The following CDH10 variants were observed in gnomAD, a reference collection of about 807,000 sequenced individuals.
CDH10 encodes the protein cadherin 10.
In CDH10, 30 loss-of-function variants were observed where a neutral mutation model predicts 73.1. That is an observed-to-expected ratio of 0.41 (90% CI 0.31 to 0.56). The LOEUF is 0.56. Among genes scored for constraint, CDH10 ranks in the 20% least tolerant of loss-of-function variants. The probability of loss-of-function intolerance (pLI) is 0.27; values close to 1 mark genes in which losing one functional copy is unlikely to be tolerated. For synonymous variants in CDH10, 345 were observed against 348.2 expected, an observed-to-expected ratio of 0.99 and a Z score of 0.10; for missense variants, 815 against 973.7, an observed-to-expected ratio of 0.84 and a Z score of 2.17.
At chr5:24,612,317 A>T (rs1303895613) in intron 1 of CDH10, 1 of 152,232 alleles carries the variant, frequency 6.6e-6, no homozygotes, top group African/African-American at 2.4e-5. Context: ...CTGAACTACA[A>T]TAAATGCCAT....
rs1196714508 is a variant in CDH10, at chr5:24,537,789, ACTT to A, written c.232-118_232-116del. On this transcript the variant is annotated intron_variant, in intron 2 of 11. Transcript: ENST00000264463. ...ACTGAGCAACGGGGTCGGCTATCCT[ACTT>A]CTTGAAATGAGAGCTGAATAAGTTT... The A allele has an allele frequency of 4.8e-6, 3 of 624,266 alleles. No individual in the cohort carries two copies. The East Asian group carries it at 8.2e-5, about 17-fold the overall frequency. 38.7% of individuals were successfully genotyped at this position (624,266 alleles called of 1,614,324 possible).
chr5:24,608,060 T>C (rs11739680), intron 1 of CDH10, among the ~76,000 whole-genome samples: 11,184 of 152,132 alleles, frequency 0.074, 518 homozygotes, highest in South Asian at 0.15. Flanking sequence ...GGAAAAACAC[T>C]AGTGTATGTA....
intron 5 of CDH10, among the ~76,000 whole-genome samples, chr5:24,525,736 C>G (rs1430101033): frequency 6.6e-6 from 1 of 151,980 alleles, no homozygotes; most frequent in African/African-American, 2.4e-5. Context: ...ACTGGAGATA[C>G]GATCATCAAC....
intron 2 of CDH10, among the ~76,000 whole-genome samples, chr5:24,538,634 G>C (rs1192824597): frequency 1.3e-5 from 2 of 152,024 alleles, no homozygotes; most frequent in Admixed American, 6.6e-5. Context: ...AGGCTTAGGA[G>C]TACATATACT....
intron 1 of CDH10, among the ~76,000 whole-genome samples, chr5:24,639,185 C>T (rs1346848438): frequency 6.6e-6 from 1 of 151,452 alleles, no homozygotes; most frequent in Non-Finnish European, 1.5e-5. Context: ...ATTATGGTGC[C>T]TCATTTAAAT....
intron 2 of CDH10, among the ~76,000 whole-genome samples, chr5:24,570,828 T>C (rs572233876): frequency 8.9e-4 from 135 of 152,122 alleles, no homozygotes; most frequent in Non-Finnish European, 1.5e-3. Flanking sequence ...CTCATAGAAA[T>C]AAGCTCGTTT....
At chr5:24,573,038 T>C (rs1745452391) in intron 2 of CDH10, among the ~76,000 whole-genome samples, 1 of 128,432 alleles carries the variant, frequency 7.8e-6, no homozygotes, top group Non-Finnish European at 1.7e-5. Flanking sequence ...ATAAAACAAA[T>C]ATAAATTGAT....
intron 1 of CDH10, among the ~76,000 whole-genome samples, chr5:24,633,945 T>C (rs1041295124): frequency 1.1e-4 from 17 of 151,826 alleles, no homozygotes; most frequent in African/African-American, 3.9e-4. Context: ...CGAAATATGT[T>C]ATTTTCCCTC....
At chr5:24,606,298 T>G (rs1746757245) in intron 1 of CDH10, among the ~76,000 whole-genome samples, 1 of 152,106 alleles carries the variant, frequency 6.6e-6, no homozygotes, top group Non-Finnish European at 1.5e-5. Context: ...CAATGAGCTA[T>G]CATCTAACAC....
chr5:24,622,370 A>C (rs932386446), intron 1 of CDH10, among the ~76,000 whole-genome samples: 1 of 152,184 alleles, frequency 6.6e-6, no homozygotes, highest in African/African-American at 2.4e-5. Flanking sequence ...GGGAGAAGAA[A>C]GGGCCTGAGG....
chr5:24,487,754 T>A lies in CDH10; in HGVS notation c.2276A>T (p.Asp759Val), dbSNP rs2111600492. Residue 759 changes from aspartate (D) to valine (V), a missense_variant, in exon 12 of 12, where the codon GAC (aspartate) becomes GTC (valine). This residue lies in a region of CDH10 where 241 missense variants were observed against 240.3 expected (regional missense o/e 1.00). Coordinates refer to ENST00000264463, the MANE Select transcript of CDH10 (RefSeq NM_006727.5). ...TTCTCGGAGGTAATCGTAGTTTTGG[T>A]CTCCTTCAGTAGTACCTGATTCTAA... ...SSLESGTTEG[D>V]QNYDYLREWG... is the part of the protein sequence containing the mutation. 3 of 1,613,822 alleles carry A rather than the reference T, an allele frequency of 1.9e-6. No homozygotes were observed. The highest frequency in any genetic ancestry group is 2.5e-6 in the Non-Finnish European group (3 of 1,179,904).
At chr5:24,540,051 T>A (rs548391160) in intron 2 of CDH10, among the ~76,000 whole-genome samples, 1 of 152,126 alleles carries the variant, frequency 6.6e-6, no homozygotes, top group African/African-American at 2.4e-5. Context: ...CTTATTCTCC[T>A]AAGAATTGTG....
At chr5:24,604,372 T>A (rs967473541) in intron 1 of CDH10, among the ~76,000 whole-genome samples, 4 of 151,930 alleles carry the variant, frequency 2.6e-5, no homozygotes, top group African/African-American at 9.7e-5. Context: ...ATAAAAAAAA[T>A]TTACCAATGT....
chr5:24,573,889 AT>A (rs1281822795), intron 2 of CDH10, among the ~76,000 whole-genome samples: 2 of 148,352 alleles, frequency 1.3e-5, no homozygotes, highest in Non-Finnish European at 3.0e-5. Flanking sequence ...TATATAAAAA[AT>A]ATATATATTT....
chr5:24,568,970 C>T (rs1398255037), intron 2 of CDH10, among the ~76,000 whole-genome samples: 2 of 151,672 alleles, frequency 1.3e-5, no homozygotes, highest in African/African-American at 4.9e-5. Flanking sequence ...ATTAGCTGTC[C>T]GTGGTGGCAG....
At chr5:24,613,427 T>C (rs1747019152) in intron 1 of CDH10, among the ~76,000 whole-genome samples, 1 of 151,894 alleles carries the variant, frequency 6.6e-6, no homozygotes, top group African/African-American at 2.4e-5. Flanking sequence ...CTATGTGTTC[T>C]CTTTCTTTCC....
intron 2 of CDH10, among the ~76,000 whole-genome samples, chr5:24,582,328 A>G (rs1424638396): frequency 2.0e-5 from 3 of 152,246 alleles, no homozygotes; most frequent in African/African-American, 7.2e-5. Flanking sequence ...AAGAAAGACA[A>G]AAGATTATCT....
chr5:24,555,725 C>G (rs578141538), intron 2 of CDH10, among the ~76,000 whole-genome samples: 1 of 152,086 alleles, frequency 6.6e-6, no homozygotes, highest in African/African-American at 2.4e-5. Context: ...TGGGAGTGAG[C>G]TATTTTATTA....
intron 5 of CDH10, among the ~76,000 whole-genome samples, chr5:24,524,337 G>C (rs1245283495): frequency 6.6e-6 from 1 of 152,078 alleles, no homozygotes; most frequent in African/African-American, 2.4e-5. Flanking sequence ...TACTAATTGA[G>C]AACCAGCATG....
Sources: gnomAD v4.1 joint callset for allele counts (sites outside exome capture counted in the v4.1 genomes callset) on GRCh38, gnomAD v4.1.1 for gene constraint, gnomAD v4.1.1 regional missense constraint, MANE v1.5 for transcripts, NCBI Gene and HGNC (gene_info 2026-07-23, HGNC 2026-07-21) for gene names.